The following PDPR variants were observed in gnomAD, a reference collection of about 807,000 sequenced individuals.
PDPR encodes pyruvate dehydrogenase phosphatase regulatory subunit, mitochondrial.
A neutral mutation model predicts 102.2 loss-of-function variants in PDPR; 50 were observed. The observed-to-expected ratio is 0.49, with a 90% CI of 0.39 to 0.62. PDPR has a LOEUF of 0.62. Among genes scored for constraint, PDPR ranks in the 20% least tolerant of loss-of-function variants. The pLI, the probability that PDPR is intolerant of heterozygous loss-of-function variation, is 0.00. For synonymous variants in PDPR, 259 were observed against 406.0 expected (o/e 0.64, Z 4.35); for missense variants, 625 against 1,098.2 (o/e 0.57, Z 6.09).
chr16:70,152,958 G>A (rs1754804811), intron 17 of PDPR, among the ~76,000 whole-genome samples: 2 of 152,284 alleles, frequency 1.3e-5, no homozygotes, highest in South Asian at 4.1e-4. Flanking sequence ...TCACAGCTTG[G>A]GCCAGTACGT....
At chr16:70,153,678 G>T (rs1386895440) in intron 18 of PDPR, 105 bp downstream of exon 18, 2 of 1,254,390 alleles carry the variant, frequency 1.6e-6, no homozygotes, top group South Asian at 1.6e-5. Context: ...GGAAAAGATT[G>T]AGGCCTTGAT....
rs539955286 is a variant in PDPR, at chr16:70,131,983, A to G, written c.848-168A>G. ...GGAGGATCTTCCCCCGTGACCTCAA[A>G]AGGTATTTTAAAGCTAATGAATGCC... is the stretch of plus-strand genomic sequence containing the variant. On this transcript the variant is annotated intron_variant, in intron 8 of 18. Transcript: ENST00000288050. The G allele has an allele frequency of 3.7e-5, 57 of 1,536,838 alleles. No individual in the cohort carries two copies. In the African/African-American group the frequency reaches 7.1e-4, roughly 19 times the overall value.
rs1967807259 is a variant in PDPR, at chr16:70,161,694, G to A, written c.*4815G>A. 2.0e-5 allele frequency: 3 copies of A among 152,658 alleles called. No homozygotes were observed. The allele number at this position is 152,658 out of a possible 1,614,324, so 9.5% of individuals were successfully genotyped here. On this transcript the variant is annotated 3_prime_UTR_variant, in exon 19 of 19. Transcript: ENST00000288050. ...TGATCACTACCAGTACACTTTTCAA[G>A]ACAACTGAGTATTTTTGTATGCCTT...
chr16:70,137,079 G>A (rs1277222857), intron 10 of PDPR, among the ~76,000 whole-genome samples: 1 of 152,136 alleles, frequency 6.6e-6, no homozygotes, highest in Non-Finnish European at 1.5e-5. Context: ...TAGGCCGGGC[G>A]CAGTGGCTCA....
intron 9 of PDPR, among the ~76,000 whole-genome samples, chr16:70,132,634 C>T (rs1348236874): frequency 2.7e-5 from 4 of 150,524 alleles, no homozygotes; most frequent in Non-Finnish European, 5.9e-5. Context: ...GCCCCGAACT[C>T]CTGGTCTCAT....
intron 18 of PDPR, among the ~76,000 whole-genome samples, chr16:70,154,778 C>T (rs1966929871): frequency 1.3e-5 from 2 of 152,228 alleles, no homozygotes; most frequent in Admixed American, 6.5e-5. Context: ...TGGCTGGGAC[C>T]ACAGATGCAC....
At chr16:70,144,623 G>C (rs1966061153) in intron 15 of PDPR, 90 bp downstream of exon 15, 5 of 521,360 alleles carry the variant, frequency 9.6e-6, no homozygotes, top group Non-Finnish European at 1.4e-5. Flanking sequence ...TCTCAAAAAT[G>C]AACATTAGAG....
intron 11 of PDPR, among the ~76,000 whole-genome samples, chr16:70,139,401 A>G (rs1400373653): frequency 6.6e-6 from 1 of 151,802 alleles, no homozygotes; most frequent in Non-Finnish European, 1.5e-5. Context: ...ATGCTTTCTC[A>G]CTCCCACTTA....
chr16:70,162,517 C>T lies in PDPR; in HGVS notation c.*5638C>T, dbSNP rs1294879738. The stretch of plus-strand genomic sequence containing the variant: ...GTTACTGGGTTTGTAAATGAATAAA[C>T]ACATTTTAACTACTCTTGCACGGCT... On this transcript the variant is annotated 3_prime_UTR_variant, in exon 19 of 19. Transcript: ENST00000288050. The T allele has an allele frequency of 6.6e-6, 1 of 152,478 alleles. No homozygotes were observed. Among genetic ancestry groups the T allele is most frequent in the Non-Finnish European group, 1.5e-5 (1 of 68,158 alleles). 9.4% of individuals were successfully genotyped at this position (152,478 alleles called of 1,614,324 possible). A position where few individuals can be genotyped will look rare whatever the true frequency, so the allele number is the denominator to read the frequency against.
intron 2 of PDPR, among the ~76,000 whole-genome samples, chr16:70,115,330 G>C (rs1215031723): frequency 1.3e-5 from 2 of 152,060 alleles, no homozygotes; most frequent in African/African-American, 2.4e-5. Flanking sequence ...CACTATGTTG[G>C]CCAGGCTGGT....
intron 17 of PDPR, among the ~76,000 whole-genome samples, chr16:70,151,447 C>A (rs1351052749): frequency 6.6e-6 from 1 of 152,410 alleles, no homozygotes; most frequent in Non-Finnish European, 1.5e-5. Context: ...CATGAAATTT[C>A]ATCTGCTTTT....
At chr16:70,129,720 C>G (rs554556401) in intron 6 of PDPR, among the ~76,000 whole-genome samples, 32 of 152,372 alleles carry the variant, frequency 2.1e-4, no homozygotes, top group African/African-American at 6.7e-4. Context: ...GAAAACACAC[C>G]TTGGAAGTTT....
At position 70,156,723 on chromosome 16, in the gene PDPR, A is replaced by G. The variant is rs1428487830; in HGVS notation, c.2484A>G (p.Gln828=). The change falls in exon 19 of 19, where the codon CAA becomes CAG. Residue 828 remains glutamine (Q), a synonymous_variant. Transcript: ENST00000288050. The stretch of plus-strand genomic sequence containing the variant: ...TTTCTGAGGACACGGGGGAAGAGCA[A>G]GTGGTGACAGCAGATTTCATCAACC... ...HNFSEDTGEE[Q]VVTADFINRG... is the part of the protein sequence containing the mutation. The G allele has an allele frequency of 6.2e-6, 10 of 1,613,836 alleles. No individual in the cohort carries two copies. The highest frequency in any genetic ancestry group is 7.6e-6 in the Non-Finnish European group (9 of 1,179,922).
At chr16:70,134,142 AT>A (rs1398211692) in intron 9 of PDPR, among the ~76,000 whole-genome samples, 1 of 152,212 alleles carries the variant, frequency 6.6e-6, no homozygotes, top group Non-Finnish European at 1.5e-5. Flanking sequence ...AGAAAACAGA[AT>A]TGTTTTGTTT....
At chr16:70,118,642 C>G (rs1962901236) in intron 2 of PDPR, among the ~76,000 whole-genome samples, 1 of 152,204 alleles carries the variant, frequency 6.6e-6, no homozygotes, top group Admixed American at 6.5e-5. Context: ...GAAAGGTATT[C>G]TGGAGGGTGC....
chr16:70,133,421 CTTT>C (rs1162339028), intron 9 of PDPR, among the ~76,000 whole-genome samples: 1 of 103,732 alleles, frequency 9.6e-6, no homozygotes, highest in Non-Finnish European at 1.8e-5. Context: ...TGCGTCTGGC[CTTT>C]TTTTTTTTTT....
At chr16:70,120,813 T>C (rs1385492437) in intron 3 of PDPR, 94 bp downstream of exon 3, 6 of 825,350 alleles carry the variant, frequency 7.3e-6, no homozygotes, top group Non-Finnish European at 1.2e-5. Context: ...CAGTAGCTAA[T>C]CTAAATGTTG....
intron 2 of PDPR, among the ~76,000 whole-genome samples, chr16:70,118,700 G>A (rs1597286146): frequency 6.6e-6 from 1 of 152,132 alleles, no homozygotes; most frequent in East Asian, 1.9e-4. Flanking sequence ...TTGGGCCACG[G>A]GAAATAAATT....
Position 70,156,841 on chromosome 16 carries a change from A to G in PDPR, c.2602A>G (p.Lys868Glu). The change falls in exon 19 of 19, where the codon AAG becomes GAG. Residue 868 changes from lysine (K) to glutamate (E), a missense_variant. Coordinates refer to ENST00000288050, the MANE Select transcript of PDPR (RefSeq NM_017990.5). The stretch of plus-strand genomic sequence containing the variant: ...CTCCCTCTTCACCCAGAAGCGCCGA[A>G]AGGATGACATGGAGCTGAGTGACTT... ...VASLFTQKRR[K>E]DDMELSDLHG... 6.2e-7 allele frequency: 1 copy of G among 1,614,022 alleles called. No homozygotes were observed.
Sources: gnomAD v4.1 joint callset for allele counts (sites outside exome capture counted in the v4.1 genomes callset) on GRCh38, gnomAD v4.1.1 for gene constraint, MANE v1.5 for transcripts, NCBI Gene and HGNC (gene_info 2026-07-23, HGNC 2026-07-21) for gene names.